TOX: variants seen among roughly 807,000 people sequenced by gnomAD.
The protein encoded by TOX is thymocyte selection-associated high mobility group box protein TOX.
Under a neutral mutation model 53.7 loss-of-function variants are expected in TOX, and 11 were observed. The observed-to-expected ratio is 0.20, with a 90% CI of 0.13 to 0.34. The LOEUF is 0.34. Ranked by LOEUF, TOX falls within the 10% of genes least tolerant of loss-of-function variation. The probability of loss-of-function intolerance (pLI) is 1.00; values close to 1 mark genes in which losing one functional copy is unlikely to be tolerated. For missense variants in TOX, 570 were observed against 664.6 expected (o/e 0.86, Z 1.56); for synonymous variants, 225 against 245.3 (o/e 0.92, Z 0.77).
chr8:58,838,328 A>G lies in TOX; in HGVS notation c.694-17T>C. The stretch of plus-strand genomic sequence containing the variant: ...ACCATTGATCTGAAAGAGAAATCAA[A>G]ATAGAATTATAGGGGGACTGAGACA... On this transcript the variant is annotated splice_polypyrimidine_tract_variant and intron_variant, in intron 4 of 8. Transcript: ENST00000361421. The G allele has an allele frequency of 6.2e-7, 1 of 1,604,442 alleles. No individual in the cohort carries two copies.
At chr8:59,026,377 TTGG>T (rs531555822) in intron 1 of TOX, among the ~76,000 whole-genome samples, 238 of 152,256 alleles carry the variant, frequency 1.6e-3, no homozygotes, top group African/African-American at 5.4e-3. Flanking sequence ...AGAATGGAAC[TTGG>T]TGGGCCATGA....
chr8:58,986,447 C>T (rs996823781), intron 1 of TOX, among the ~76,000 whole-genome samples: 1 of 152,270 alleles, frequency 6.6e-6, no homozygotes, highest in African/African-American at 2.4e-5. Context: ...CTCTAAGCAA[C>T]GTGGATCGAA....
At chr8:58,829,813 G>A (rs2129166127) in intron 5 of TOX, among the ~76,000 whole-genome samples, 2 of 152,280 alleles carry the variant, frequency 1.3e-5, no homozygotes, top group Middle Eastern at 6.8e-3. Flanking sequence ...TGCAGGTGAA[G>A]TAGGGGAAAT....
In TOX at chr8:59,035,075, G is replaced by A. The variant is rs73254475; in HGVS notation, c.103-75067C>T. ...CCACAGGGAATGGGGCAGCACACCT[G>A]TCTTTCTAACTGCACCGCAACCACC... On this transcript the variant is annotated intron_variant, in intron 1 of 8. Coordinates refer to ENST00000361421, the MANE Select transcript of TOX (RefSeq NM_014729.3). 7.3e-3 allele frequency among the ~76,000 whole-genome samples: 1,113 copies of A among 152,228 alleles called. 12 individuals are homozygous for A. Among genetic ancestry groups the A allele is most frequent in the African/African-American group, 0.025 (1,058 of 41,522 alleles).
chr8:58,893,762 C>T (rs1362332781), intron 3 of TOX, among the ~76,000 whole-genome samples: 2 of 152,188 alleles, frequency 1.3e-5, no homozygotes, highest in Admixed American at 6.5e-5. Flanking sequence ...TTCAAAACTT[C>T]ACCCTCAAGA....
intron 1 of TOX, among the ~76,000 whole-genome samples, chr8:59,112,384 T>C (rs1456096456): frequency 6.6e-6 from 1 of 152,212 alleles, no homozygotes; most frequent in Non-Finnish European, 1.5e-5. Context: ...CAACTGTTTT[T>C]AATCAGAAAT....
At chr8:59,009,111 ATCC>A (rs982692359) in intron 1 of TOX, among the ~76,000 whole-genome samples, 4 of 124,922 alleles carry the variant, frequency 3.2e-5, no homozygotes, top group African/African-American at 1.2e-4. Context: ...TTCTTTCTCC[ATCC>A]TACTTTCTTC....
At chr8:58,921,265 T>A (rs973973255) in intron 3 of TOX, among the ~76,000 whole-genome samples, 7 of 152,258 alleles carry the variant, frequency 4.6e-5, no homozygotes, top group Non-Finnish European at 1.5e-5. Flanking sequence ...ACTTGATTAC[T>A]GATCTATTGA....
chr8:58,964,730 G>A (rs924031342), intron 1 of TOX, among the ~76,000 whole-genome samples: 1 of 152,286 alleles, frequency 6.6e-6, no homozygotes, highest in African/African-American at 2.4e-5. Flanking sequence ...TGGATTCTTA[G>A]TAGAAGAGTT....
intron 3 of TOX, among the ~76,000 whole-genome samples, chr8:58,902,893 T>C (rs1319945111): frequency 6.6e-6 from 1 of 152,160 alleles, no homozygotes; most frequent in Non-Finnish European, 1.5e-5. Context: ...TTTAGAAAAA[T>C]GCCAGCTCTA....
At chr8:59,100,672 C>T (rs925782449) in intron 1 of TOX, among the ~76,000 whole-genome samples, 1 of 152,082 alleles carries the variant, frequency 6.6e-6, no homozygotes, top group Non-Finnish European at 1.5e-5. Flanking sequence ...AAATGCACAA[C>T]GATGTTTACC....
chr8:59,030,305 T>G (rs1311667991), intron 1 of TOX, among the ~76,000 whole-genome samples: 1 of 152,176 alleles, frequency 6.6e-6, no homozygotes, highest in East Asian at 1.9e-4. Context: ...GGGCCCTGTT[T>G]AATTAAATGT....
chr8:58,996,314 T>C (rs1027166601), intron 1 of TOX, among the ~76,000 whole-genome samples: 12 of 152,188 alleles, frequency 7.9e-5, no homozygotes, highest in African/African-American at 2.9e-4. Context: ...TGGGTCCAGA[T>C]ACAATTTCTA....
At chr8:58,812,431 G>T (rs1228303562) in intron 7 of TOX, among the ~76,000 whole-genome samples, 11 of 152,078 alleles carry the variant, frequency 7.2e-5, no homozygotes. Flanking sequence ...GGCTCTCCCA[G>T]CTAGAGTCCC....
At chr8:59,069,224 C>T (rs1804148764) in intron 1 of TOX, among the ~76,000 whole-genome samples, 1 of 152,086 alleles carries the variant, frequency 6.6e-6, no homozygotes, top group African/African-American at 2.4e-5. Flanking sequence ...AAATTAAGTT[C>T]AGGAGTAGAG....
chr8:58,997,250 G>A (rs772122982), intron 1 of TOX, among the ~76,000 whole-genome samples: 1 of 152,016 alleles, frequency 6.6e-6, no homozygotes, highest in Non-Finnish European at 1.5e-5. Flanking sequence ...ACTAGAACAG[G>A]TGGGGGCTTA....
intron 3 of TOX, among the ~76,000 whole-genome samples, chr8:58,874,548 C>T (rs942719345): frequency 6.6e-6 from 1 of 152,078 alleles, no homozygotes; most frequent in African/African-American, 2.4e-5. Flanking sequence ...AAAGGAAAGT[C>T]TACTTGTATT....
chr8:58,827,935 T>C (rs1810391697), intron 5 of TOX, among the ~76,000 whole-genome samples: 1 of 152,226 alleles, frequency 6.6e-6, no homozygotes, highest in Non-Finnish European at 1.5e-5. Flanking sequence ...GGAAATGTAT[T>C]TTCATTGATA....
chr8:58,836,699 C>T (rs931248984), intron 5 of TOX, among the ~76,000 whole-genome samples: 4 of 152,150 alleles, frequency 2.6e-5, no homozygotes, highest in Non-Finnish European at 4.4e-5. Flanking sequence ...TCCTTAGCAA[C>T]TGGTTTTGTC....
Sources: gnomAD v4.1 joint callset for allele counts (sites outside exome capture counted in the v4.1 genomes callset) on GRCh38, gnomAD v4.1.1 for gene constraint, MANE v1.5 for transcripts, NCBI Gene and HGNC (gene_info 2026-07-23, HGNC 2026-07-21) for gene names.